Variants in HMCN1 observed in about 807,000 individuals in gnomAD.
HMCN1 encodes hemicentin 1.
HMCN1 carries 321 observed loss-of-function variants against 625.9 expected under a neutral mutation model. The ratio of observed to expected loss-of-function variants is 0.51; its 90% CI spans 0.47 to 0.56. HMCN1 has a LOEUF of 0.56. HMCN1 is among the 20% of genes least tolerant of loss of function. The pLI is 0.00. For missense variants in HMCN1, 6,588 were observed against 6,887.3 expected (o/e 0.96, Z 1.54); for synonymous variants, 2,425 against 2,417.6 (o/e 1.00, Z -0.09).
chr1:186,109,619 A>G (rs1660785444), intron 71 of HMCN1, among the ~76,000 whole-genome samples: 1 of 152,232 alleles, frequency 6.6e-6, no homozygotes, highest in Non-Finnish European at 1.5e-5. Flanking sequence ...GGTAAGGAAC[A>G]GCCCATGGAA....
chr1:186,093,739 A>C (rs1659972801), intron 66 of HMCN1, 70 bp downstream of exon 66: 1 of 1,593,976 alleles, frequency 6.3e-7, no homozygotes, highest in African/African-American at 1.3e-5. Context: ...TCCTTCATTT[A>C]AACAGTGTTG....
Position 186,119,759 on chromosome 1 carries a change from C to G in HMCN1, c.11971C>G (p.Gln3991Glu), listed in dbSNP as rs375215975. Residue 3991 changes from glutamine (Q) to glutamate (E), a missense_variant, in exon 79 of 107, where the codon CAG becomes GAG. Transcript: ENST00000271588. ...TTTTTTTATAGAGCCTCCAGTCATT[C>G]AGCCCCAACCAAGTGAACTACACGT... ...TLHVHEPPVI[Q>E]PQPSELHVIL... 7 of 1,613,832 alleles carry G rather than the reference C, an allele frequency of 4.3e-6. No homozygotes were observed. The African/African-American group carries it at 9.3e-5, about 22-fold the overall frequency.
intron 1 of HMCN1, among the ~76,000 whole-genome samples, chr1:185,743,594 C>A (rs1420821953): frequency 3.3e-5 from 5 of 152,194 alleles, no homozygotes; most frequent in African/African-American, 1.2e-4. Flanking sequence ...GAGCACTGTG[C>A]AACCAGAGGA....
In HMCN1 at chr1:186,076,514, A is replaced by G. The variant is rs373247266; in HGVS notation, c.8377A>G (p.Asn2793Asp). 75 of 1,613,698 alleles carry G rather than the reference A, an allele frequency of 4.6e-5. No individual in the cohort carries two copies. Among genetic ancestry groups the G allele is most frequent in the Non-Finnish European group, 6.1e-5 (72 of 1,179,828 alleles). ...NGEAKDVIIN[N>D]PISLYCETNA... Reference sequence around the variant, plus strand: ...TGAAGCCAAAGATGTGATCATCAACAATCCCATTTCTCTTTACTGTGAGAC... The same window carrying G: ...TGAAGCCAAAGATGTGATCATCAACGATCCCATTTCTCTTTACTGTGAGAC... The change falls in exon 54 of 107, where the codon AAT (asparagine) becomes GAT (aspartate). Residue 2793 changes from asparagine to aspartate, a missense_variant. By Grantham distance (23) the Asn-to-Asp change is conservative. Transcript: ENST00000271588.
Position 186,178,442 on chromosome 1 carries a change from A to C in HMCN1, c.15970A>C (p.Lys5324Gln). The change falls in exon 104 of 107, where the codon AAA (lysine) becomes CAA (glutamine). Residue 5324 changes from lysine to glutamine, a missense_variant. Lys to Gln is a moderately conservative substitution (Grantham distance 53, BLOSUM62 1). Around this residue, in one of 3 missense-constraint regions of HMCN1, gnomAD observed 1,954 missense variants for 2,013.1 expected, o/e 0.97. Transcript: ENST00000271588. Reference protein sequence around the residue: ...MDINECEQVPKPCAHQCSNTP... With the variant: ...MDINECEQVPQPCAHQCSNTP... ...CATTAATGAATGTGAACAAGTGCCTAAACCTTGTGCACATCAGTGCTCCAA... is the reference window on the plus strand; with the variant it reads ...CATTAATGAATGTGAACAAGTGCCTCAACCTTGTGCACATCAGTGCTCCAA... 1 of 1,613,896 alleles carries C rather than the reference A, an allele frequency of 6.2e-7. No individual in the cohort carries two copies. Among genetic ancestry groups the C allele is most frequent in the Non-Finnish European group, 8.5e-7 (1 of 1,179,832 alleles).
chr1:186,155,219 A>C (rs1170237410), intron 97 of HMCN1, among the ~76,000 whole-genome samples: 1 of 152,166 alleles, frequency 6.6e-6, no homozygotes, highest in Non-Finnish European at 1.5e-5. Flanking sequence ...TGCTTCATAA[A>C]ATTTGAGATC....
chr1:185,859,154 G>C (rs1662711496), intron 2 of HMCN1, among the ~76,000 whole-genome samples: 1 of 151,118 alleles, frequency 6.6e-6, no homozygotes, highest in Non-Finnish European at 1.5e-5. Context: ...GTGTGTGTGT[G>C]TGTGTGTATA....
chr1:186,077,189 T>C (rs1571316094), intron 54 of HMCN1, among the ~76,000 whole-genome samples: 1 of 152,064 alleles, frequency 6.6e-6, no homozygotes, highest in Admixed American at 6.6e-5. Context: ...CAGTAAGTAA[T>C]TGAATGTAAA....
intron 80 of HMCN1, among the ~76,000 whole-genome samples, chr1:186,122,462 C>A (rs374094241): frequency 1.3e-5 from 2 of 152,106 alleles, no homozygotes; most frequent in East Asian, 3.9e-4. Context: ...TTTCCATGAT[C>A]TATTTATGTA....
intron 71 of HMCN1, among the ~76,000 whole-genome samples, chr1:186,109,433 C>T (rs1660777307): frequency 1.3e-5 from 2 of 152,130 alleles, no homozygotes; most frequent in African/African-American, 4.8e-5. Flanking sequence ...TTATTGTGTG[C>T]CTACTAGAAT....
intron 46 of HMCN1, among the ~76,000 whole-genome samples, chr1:186,061,099 CTCTA>C (rs1036298082): frequency 5.3e-5 from 8 of 152,072 alleles, no homozygotes; most frequent in African/African-American, 1.7e-4. Flanking sequence ...TACTTTCTAC[CTCTA>C]TCTATCTCTT....
chr1:185,990,505 C>A, intron 22 of HMCN1, 62 bp downstream of exon 22: 1 of 1,403,024 alleles, frequency 7.1e-7, no homozygotes, highest in Non-Finnish European at 1.0e-6. Flanking sequence ...GGACAGATGG[C>A]CATGCCTATT....
In HMCN1 at chr1:186,087,854, A is replaced by AT. The variant is rs1659605002; in HGVS notation, c.9364-75dup. The stretch of plus-strand genomic sequence containing the variant: ...GCATTGAGCATACAGATGACTGATG[A>AT]TTTAATCTAAACTCGAACAGTATGA... On this transcript the variant is annotated intron_variant, in intron 60 of 106. Transcript: ENST00000271588. 6 of 1,346,418 alleles carry AT rather than the reference A, an allele frequency of 4.5e-6. No individual in the cohort carries two copies. In the South Asian group the frequency reaches 7.1e-5, roughly 16 times the overall value. The allele number at this position is 1,346,418 out of a possible 1,614,324, so 83.4% of individuals were successfully genotyped here.
At chr1:186,145,331 G>C (rs1222497308) in intron 91 of HMCN1, 72 bp from the exon 92 acceptor site, 1 of 1,415,168 alleles carries the variant, frequency 7.1e-7, no homozygotes, top group Non-Finnish European at 9.6e-7. Context: ...AATACTTTTT[G>C]GATGAATGTC....
intron 1 of HMCN1, among the ~76,000 whole-genome samples, chr1:185,783,945 G>A (rs991090972): frequency 4.6e-5 from 7 of 152,212 alleles, no homozygotes; most frequent in African/African-American, 1.7e-4. Flanking sequence ...GCCCCCAGAG[G>A]TAGAGTCTAC....
intron 98 of HMCN1, 107 bp from the exon 99 acceptor site, chr1:186,166,077 G>A: frequency 8.4e-7 from 1 of 1,185,682 alleles, no homozygotes; most frequent in Admixed American, 1.9e-5. Flanking sequence ...TATTATATTT[G>A]ATTCAACTTC....
chr1:186,075,710 T>A (rs901305526), intron 53 of HMCN1, among the ~76,000 whole-genome samples: 42 of 152,218 alleles, frequency 2.8e-4, no homozygotes. Context: ...CAAAAAATAT[T>A]TATTTAACCA....
chr1:185,748,635 G>T (rs1654592589), intron 1 of HMCN1, among the ~76,000 whole-genome samples: 1 of 152,138 alleles, frequency 6.6e-6, no homozygotes, highest in African/African-American at 2.4e-5. Context: ...GAATGGCATA[G>T]GTTTTGAGTG....
chr1:186,071,566 A>G (rs796616261), intron 52 of HMCN1, among the ~76,000 whole-genome samples: 105 of 152,284 alleles, frequency 6.9e-4, no homozygotes, highest in African/African-American at 2.3e-3. Flanking sequence ...TTTTACACAT[A>G]ATCAACCAAA....
Sources: gnomAD v4.1 joint callset for allele counts (sites outside exome capture counted in the v4.1 genomes callset) on GRCh38, gnomAD v4.1.1 for gene constraint, gnomAD v4.1.1 regional missense constraint, MANE v1.5 for transcripts, NCBI Gene and HGNC (gene_info 2026-07-23, HGNC 2026-07-21) for gene names.